Variants in GNAI3 observed in about 807,000 individuals in gnomAD.
The protein encoded by GNAI3 is G protein subunit alpha i3, also known as guanine nucleotide-binding protein G(i) subunit alpha-3.
GNAI3 carries 12 observed loss-of-function variants against 41.8 expected under a neutral mutation model. That is an observed-to-expected ratio of 0.29 (90% CI 0.18 to 0.47). The LOEUF (loss-of-function observed/expected upper bound fraction) is 0.47. GNAI3 is among the 20% of genes least tolerant of loss of function. The pLI is 1.00. For synonymous variants in GNAI3, 132 were observed against 146.5 expected (o/e 0.90, Z 0.71); for missense variants, 360 against 429.6 (o/e 0.84, Z 1.43).
chr1:109,566,434 A>AT (rs958854741), intron 1 of GNAI3, among the ~76,000 whole-genome samples: 2 of 152,002 alleles, frequency 1.3e-5, no homozygotes, highest in African/African-American at 4.8e-5. Context: ...TTGAAAAAAA[A>AT]TTTTTTTATT....
chr1:109,591,989 T>G (rs1046441781), intron 7 of GNAI3, 54 bp from the exon 8 acceptor site: 1 of 1,136,308 alleles, frequency 8.8e-7, no homozygotes, highest in Non-Finnish European at 1.3e-6. Context: ...CTGACTTAGT[T>G]GAGTTCAGGC....
At position 109,554,743 on chromosome 1, in the gene GNAI3, T is replaced by C. The variant is rs546895697; in HGVS notation, c.118+5905T>C. On this transcript the variant is annotated intron_variant, in intron 1 of 8. Coordinates refer to ENST00000369851, the MANE Select transcript of GNAI3 (RefSeq NM_006496.4). ...ATTTATTTATTTTTATTTTTGTCTT[T>C]GCATTTGCTTTTGGGTTCTTGGTTG... 1.4e-4 allele frequency among the ~76,000 whole-genome samples: 21 copies of C among 152,334 alleles called. No homozygotes were observed. In the South Asian group the frequency reaches 1.9e-3, roughly 14 times the overall value.
chr1:109,586,286 A>G lies in GNAI3; in HGVS notation c.661A>G (p.Ile221Val), dbSNP rs1256508029. The G allele has an allele frequency of 6.2e-7, 1 of 1,613,280 alleles. No individual in the cohort carries two copies. Residue 221 changes from isoleucine to valine, a missense_variant, in exon 6 of 9, where the codon ATT becomes GTT. Transcript: ENST00000369851. ...TCACTGTTTTGAGGGAGTGACAGCA[A>G]TTATCTTCTGTGTGGCCCTCAGTGA... ...WIHCFEGVTA[I>V]IFCVALSDYD... is the part of the protein sequence containing the mutation.
At chr1:109,561,371 A>C (rs948952973) in intron 1 of GNAI3, among the ~76,000 whole-genome samples, 1 of 152,176 alleles carries the variant, frequency 6.6e-6, no homozygotes, top group East Asian at 1.9e-4. Flanking sequence ...CTTAATGTTG[A>C]TATCTTACAT....
Position 109,573,720 on chromosome 1 carries a change from G to A in GNAI3, c.119-17G>A, listed in dbSNP as rs769948482. On this transcript the variant is annotated splice_polypyrimidine_tract_variant and intron_variant, in intron 1 of 8. Coordinates refer to ENST00000369851, the MANE Select transcript of GNAI3 (RefSeq NM_006496.4). ...TGATTACCGAGAAATTCAAAGTCTG[G>A]TTTTCTTTTCTTACAGGTGCTGGAG... The A allele has an allele frequency of 5.0e-6, 8 of 1,591,454 alleles. No individual in the cohort carries two copies. Among genetic ancestry groups the A allele is most frequent in the Admixed American group, 1.7e-5 (1 of 59,838 alleles).
chr1:109,567,991 A>G (rs1648499539), intron 1 of GNAI3, among the ~76,000 whole-genome samples: 2 of 150,658 alleles, frequency 1.3e-5, no homozygotes, highest in Non-Finnish European at 3.0e-5. Context: ...TTTTTTGAGA[A>G]TTAGCCATCT....
intron 5 of GNAI3, among the ~76,000 whole-genome samples, chr1:109,583,219 A>AT (rs1648940902): frequency 6.6e-6 from 1 of 151,994 alleles, no homozygotes; most frequent in Admixed American, 6.6e-5. Flanking sequence ...TTAAATTTTT[A>AT]TTTTTTTAGA....
At chr1:109,573,594 A>G (rs1204759117) in intron 1 of GNAI3, 143 bp from the exon 2 acceptor site, 2 of 644,982 alleles carry the variant, frequency 3.1e-6, no homozygotes, top group Non-Finnish European at 5.5e-6. Context: ...AGCTCCATAC[A>G]TTTTCTTGAT....
intron 7 of GNAI3, among the ~76,000 whole-genome samples, chr1:109,590,610 C>T (rs919401489): frequency 2.0e-5 from 3 of 150,556 alleles, no homozygotes; most frequent in Non-Finnish European, 4.4e-5. Context: ...GTGTCTTGCT[C>T]TGTCTCCCAG....
Position 109,551,479 on chromosome 1 carries a change from T to A in GNAI3, c.118+2641T>A, listed in dbSNP as rs1054772218. Among the ~76,000 whole-genome samples, 7 of 152,306 alleles carry A rather than the reference T, an allele frequency of 4.6e-5. No individual in the cohort carries two copies. In the East Asian group the frequency reaches 1.4e-3, roughly 29 times the overall value. On this transcript the variant is annotated intron_variant, in intron 1 of 8. Coordinates refer to ENST00000369851, the MANE Select transcript of GNAI3 (RefSeq NM_006496.4). Reference sequence around the variant, plus strand: ...GACACATGATATATTTTCTTTCTTATGGGGGTGTAGTTTAACATGGTGATT... The same window carrying A: ...GACACATGATATATTTTCTTTCTTAAGGGGGTGTAGTTTAACATGGTGATT...
At chr1:109,557,454 A>G (rs1277082771) in intron 1 of GNAI3, among the ~76,000 whole-genome samples, 1 of 152,174 alleles carries the variant, frequency 6.6e-6, no homozygotes, top group Non-Finnish European at 1.5e-5. Context: ...GTTTTTGCCC[A>G]TAAGGAATAG....
rs151055472 is a variant in GNAI3, at chr1:109,599,073, A to G, written c.*6751A>G. The G allele has an allele frequency of 1.2e-4, 48 of 417,136 alleles. No individual in the cohort carries two copies. The Middle Eastern group carries it at 1.4e-3, about 12-fold the overall frequency. 25.8% of individuals were successfully genotyped at this position (417,136 alleles called of 1,614,324 possible). Reference sequence around the variant, plus strand: ...GAATACTCTGTTTTGGACTATTTGGAGGTACATGTGAGTGGATTTTATTAC... The same window carrying G: ...GAATACTCTGTTTTGGACTATTTGGGGGTACATGTGAGTGGATTTTATTAC... On this transcript the variant is annotated 3_prime_UTR_variant, in exon 9 of 9. Transcript: ENST00000369851.
intron 3 of GNAI3, among the ~76,000 whole-genome samples, chr1:109,576,503 T>G (rs1484975915): frequency 1.4e-5 from 2 of 143,544 alleles, no homozygotes; most frequent in African/African-American, 5.2e-5. Flanking sequence ...GCCTCTTCTG[T>G]TTTTTTTTTT....
At chr1:109,551,801 T>C (rs557783262) in intron 1 of GNAI3, among the ~76,000 whole-genome samples, 2 of 152,336 alleles carry the variant, frequency 1.3e-5, no homozygotes, top group East Asian at 3.9e-4. Flanking sequence ...GTGGGCCAGA[T>C]TATTTACAGA....
rs189181690 is a variant in GNAI3 at position 109,593,529 on chromosome 1, T to A, written c.*1207T>A. On this transcript the variant is annotated 3_prime_UTR_variant, in exon 9 of 9. Coordinates refer to ENST00000369851, the MANE Select transcript of GNAI3 (RefSeq NM_006496.4). ...TAAAGAGCCCAGGTTTGCTCCTGTT[T>A]GTAACTAGTCTTTTCTGGAAATACT... 170 of 152,802 alleles carry A rather than the reference T, an allele frequency of 1.1e-3. No individual in the cohort carries two copies. Among genetic ancestry groups the A allele is most frequent in the African/African-American group, 4.1e-3 (169 of 41,592 alleles). 9.5% of individuals were successfully genotyped at this position (152,802 alleles called of 1,614,324 possible). A position where few individuals can be genotyped will look rare whatever the true frequency, so the allele number is the denominator to read the frequency against.
At chr1:109,556,596 T>C (rs1387448623) in intron 1 of GNAI3, among the ~76,000 whole-genome samples, 1 of 152,346 alleles carries the variant, frequency 6.6e-6, no homozygotes. Context: ...TATATCCTGC[T>C]ACTTACCTCA....
chr1:109,589,634 T>C, intron 7 of GNAI3, among the ~76,000 whole-genome samples: 1 of 152,184 alleles, frequency 6.6e-6, no homozygotes, highest in East Asian at 1.9e-4. Context: ...CAAATTGTGT[T>C]ATATACATAC....
intron 7 of GNAI3, among the ~76,000 whole-genome samples, chr1:109,590,379 C>T (rs917550230): frequency 1.3e-5 from 2 of 152,132 alleles, no homozygotes; most frequent in African/African-American, 4.8e-5. Flanking sequence ...CCTCCATTGT[C>T]TTCATTCTGT....
Position 109,586,814 on chromosome 1 carries a change from A to C in GNAI3, c.806A>C (p.Asn269Thr). 1 of 1,587,094 alleles carries C rather than the reference A, an allele frequency of 6.3e-7. No homozygotes were observed. The highest frequency in any genetic ancestry group is 8.7e-7 in the Non-Finnish European group (1 of 1,155,658). Residue 269 changes from asparagine (N) to threonine (T), a missense_variant, in exon 7 of 9, where the codon AAC (asparagine) becomes ACC (threonine). By Grantham distance (65) the Asn-to-Thr change is moderately conservative (BLOSUM62 0). Coordinates refer to ENST00000369851, the MANE Select transcript of GNAI3 (RefSeq NM_006496.4). ...FTETSIILFL[N>T]KKDLFEEKIK... is the part of the protein sequence containing the mutation. The stretch of plus-strand genomic sequence containing the variant: ...GAAACTTCAATCATTCTCTTCCTTA[A>C]CAAGAAAGACCTTTTTGAGGAAAAA...
Sources: allele counts gnomAD v4.1 joint callset (sites outside exome capture counted in the v4.1 genomes callset), GRCh38; gene constraint gnomAD v4.1.1; transcripts MANE v1.5; gene names NCBI Gene and HGNC (gene_info 2026-07-23, HGNC 2026-07-21).